Variants in LRP1B observed in about 807,000 individuals in gnomAD.
LRP1B encodes low-density lipoprotein receptor-related protein 1B.
Under a neutral mutation model 556.6 loss-of-function variants are expected in LRP1B, and 217 were observed. The ratio of observed to expected loss-of-function variants is 0.39; its 90% CI spans 0.35 to 0.44. The LOEUF (loss-of-function observed/expected upper bound fraction) is 0.44, where lower values mean the gene tolerates loss of function less well. Among genes scored for constraint, LRP1B ranks in the 20% least tolerant of loss-of-function variants. The pLI is 1.00. For missense variants in LRP1B, 5,053 were observed against 5,620.8 expected (o/e 0.90, Z 3.23); for synonymous variants, 2,047 against 1,865.8 (o/e 1.10, Z -2.50).
rs771785418 is a variant in LRP1B, at chr2:140,444,412, G to A, written c.10212C>T (p.Thr3404=). ...HVCLSGQFKC[T]KNQKCIPVNL... ...TTACTGGGATACATTTCTGGTTCTT[G>A]GTACATTTGAATTGACCTGACAGGC... The change falls in exon 65 of 91, where the codon ACC becomes ACT. Residue 3404 remains threonine, a synonymous_variant. Transcript: ENST00000389484. 6.2e-7 allele frequency: 1 copy of A among 1,613,778 alleles called. No homozygotes were observed. Among genetic ancestry groups the A allele is most frequent in the Admixed American group, 1.7e-5 (1 of 59,996 alleles).
At chr2:141,631,205 C>T (rs1030666555) in intron 2 of LRP1B, among the ~76,000 whole-genome samples, 4 of 152,044 alleles carry the variant, frequency 2.6e-5, no homozygotes, top group Admixed American at 2.0e-4. Flanking sequence ...CCCATCAGAT[C>T]TTGTGAGAAC....
chr2:140,684,913 G>A (rs1315564779), intron 41 of LRP1B, among the ~76,000 whole-genome samples: 1 of 152,098 alleles, frequency 6.6e-6, no homozygotes, highest in Non-Finnish European at 1.5e-5. Context: ...CTGTCATCTT[G>A]ATTACATCCC....
intron 7 of LRP1B, among the ~76,000 whole-genome samples, chr2:141,115,301 C>T (rs1184925844): frequency 2.6e-5 from 4 of 152,048 alleles, no homozygotes; most frequent in Non-Finnish European, 4.4e-5. Context: ...TCAGCACACA[C>T]ACAACATGTG....
intron 7 of LRP1B, among the ~76,000 whole-genome samples, chr2:141,079,775 A>G (rs574799693): frequency 1.3e-4 from 20 of 152,342 alleles, no homozygotes; most frequent in African/African-American, 4.8e-4. Flanking sequence ...TTCGTCAAAG[A>G]TGATCTCATT....
chr2:141,432,741 G>A (rs1357313313), intron 3 of LRP1B, among the ~76,000 whole-genome samples: 1 of 151,946 alleles, frequency 6.6e-6, no homozygotes, highest in African/African-American at 2.4e-5. Context: ...CTGTAAGATT[G>A]AGTAATGATG....
chr2:141,889,361 A>G (rs1044830176), intron 1 of LRP1B, among the ~76,000 whole-genome samples: 1 of 152,196 alleles, frequency 6.6e-6, no homozygotes, highest in African/African-American at 2.4e-5. Flanking sequence ...GAATATCAGC[A>G]TTCAAATTAT....
At chr2:141,573,909 C>G (rs764771614) in intron 2 of LRP1B, among the ~76,000 whole-genome samples, 1 of 152,034 alleles carries the variant, frequency 6.6e-6, no homozygotes, top group African/African-American at 2.4e-5. Flanking sequence ...GAAATTGAAT[C>G]CCTGAATAGA....
chr2:140,796,798 AT>A (rs1223119904), intron 32 of LRP1B, among the ~76,000 whole-genome samples: 1 of 152,148 alleles, frequency 6.6e-6, no homozygotes, highest in African/African-American at 2.4e-5. Context: ...CCTGGATTGT[AT>A]ATATCAAATT....
At chr2:140,927,319 A>G (rs1484738047) in intron 20 of LRP1B, among the ~76,000 whole-genome samples, 2 of 152,086 alleles carry the variant, frequency 1.3e-5, no homozygotes, top group Admixed American at 6.6e-5. Flanking sequence ...AAATAAATGG[A>G]ATTTGCCTAT....
At chr2:140,489,038 T>C (rs1688593382) in intron 57 of LRP1B, among the ~76,000 whole-genome samples, 1 of 152,042 alleles carries the variant, frequency 6.6e-6, no homozygotes, top group African/African-American at 2.4e-5. Context: ...AAGCCAAGGC[T>C]AATGATTACT....
chr2:140,793,817 G>A (rs1441448487), intron 32 of LRP1B, among the ~76,000 whole-genome samples: 2 of 151,716 alleles, frequency 1.3e-5, no homozygotes, highest in African/African-American at 4.8e-5. Context: ...AGCTAGAAGC[G>A]TACTCTTGAA....
At chr2:140,287,476 A>T (rs1683193715) in intron 84 of LRP1B, among the ~76,000 whole-genome samples, 1 of 151,660 alleles carries the variant, frequency 6.6e-6, no homozygotes, top group African/African-American at 2.4e-5. Context: ...CAATAAGTTG[A>T]TTCATTTCTG....
chr2:141,024,012 T>C (rs1698144453), intron 11 of LRP1B, among the ~76,000 whole-genome samples: 1 of 152,012 alleles, frequency 6.6e-6, no homozygotes, highest in African/African-American at 2.4e-5. Context: ...TACCTCACCC[T>C]AGAGTCAGCA....
intron 2 of LRP1B, among the ~76,000 whole-genome samples, chr2:141,733,647 A>G (rs1693361522): frequency 2.0e-5 from 3 of 152,108 alleles, no homozygotes; most frequent in Admixed American, 2.0e-4. Context: ...TTTCAGTTTT[A>G]TCTATTGAGA....
intron 86 of LRP1B, among the ~76,000 whole-genome samples, chr2:140,262,884 A>C (rs1682012554): frequency 6.6e-6 from 1 of 152,088 alleles, no homozygotes. Flanking sequence ...ATATATAAAC[A>C]AAAAGGGGCT....
chr2:140,608,400 T>C (rs1049342313), intron 41 of LRP1B, among the ~76,000 whole-genome samples: 5 of 152,328 alleles, frequency 3.3e-5, no homozygotes, highest in South Asian at 4.1e-4. Context: ...CAAGGCATTG[T>C]AATAATGCTA....
At chr2:141,373,912 T>C (rs1689332893) in intron 3 of LRP1B, among the ~76,000 whole-genome samples, 1 of 152,112 alleles carries the variant, frequency 6.6e-6, no homozygotes, top group South Asian at 2.1e-4. Flanking sequence ...ATTTGATTCA[T>C]TTTTCTTCCT....
chr2:140,353,783 T>C (rs1368594368), intron 75 of LRP1B, among the ~76,000 whole-genome samples: 1 of 152,074 alleles, frequency 6.6e-6, no homozygotes, highest in African/African-American at 2.4e-5. Context: ...ACATTCCTTT[T>C]TTATTGCCAG....
At chr2:140,372,675 CCTAT>C (rs1159364775) in intron 69 of LRP1B, among the ~76,000 whole-genome samples, 1 of 151,976 alleles carries the variant, frequency 6.6e-6, no homozygotes, top group African/African-American at 2.4e-5. Flanking sequence ...ATAACTAAAA[CCTAT>C]CTTTTACTGT....
Sources: gnomAD v4.1 joint callset for allele counts (sites outside exome capture counted in the v4.1 genomes callset) on GRCh38, gnomAD v4.1.1 for gene constraint, MANE v1.5 for transcripts, NCBI Gene and HGNC (gene_info 2026-07-23, HGNC 2026-07-21) for gene names.